SLC30A2: variants seen among roughly 807,000 people sequenced by gnomAD.
SLC30A2 encodes solute carrier family 30 member 2.
SLC30A2 carries 19 observed loss-of-function variants against 39.6 expected under a neutral mutation model. That is an observed-to-expected ratio of 0.48 (90% CI 0.34 to 0.70). SLC30A2 has a LOEUF of 0.70. Among genes scored for constraint, SLC30A2 ranks in the 30% least tolerant of loss-of-function variants. The pLI, the probability that SLC30A2 is intolerant of heterozygous loss-of-function variation, is 0.01. For synonymous variants in SLC30A2, 195 were observed against 194.8 expected (o/e 1.00, Z -0.01); for missense variants, 387 against 479.4 (o/e 0.81, Z 1.80).
Position 26,042,555 on chromosome 1 carries a change from G to A in SLC30A2, c.726C>T (p.Tyr242=), listed in dbSNP as rs1557562489. 6.2e-7 allele frequency: 1 copy of A among 1,613,632 alleles called. No homozygotes were observed. The highest frequency in any genetic ancestry group is 8.5e-7 in the Non-Finnish European group (1 of 1,179,560). The stretch of plus-strand genomic sequence containing the variant: ...CCTGTGTCCCAGCTCTGACCTTGAA[G>A]TATAAAATATAGGCTGCCACTAGGA... ...MGVLVAAYIL[Y]FKPEYKYVDP... Residue 242 remains tyrosine, a synonymous_variant, in exon 5 of 8, where the codon TAC becomes TAT. Coordinates refer to ENST00000374276, the MANE Select transcript of SLC30A2 (RefSeq NM_001004434.3).
At chr1:26,042,768 A>C (rs1266501290) in intron 4 of SLC30A2, 60 bp from the exon 5 acceptor site, 1 of 1,498,640 alleles carries the variant, frequency 6.7e-7, no homozygotes, top group Non-Finnish European at 9.2e-7. Context: ...GTCACCTATT[A>C]GGACTAGCCA....
At chr1:26,044,576 C>T in intron 2 of SLC30A2, 132 bp from the exon 3 acceptor site, 1 of 823,764 alleles carries the variant, frequency 1.2e-6, no homozygotes, top group Non-Finnish European at 1.9e-6. Context: ...AGCTGTACCA[C>T]CGTGACAAGT....
intron 6 of SLC30A2, among the ~76,000 whole-genome samples, chr1:26,041,291 A>T (rs965876633): frequency 1.3e-5 from 2 of 152,240 alleles, no homozygotes; most frequent in Non-Finnish European, 1.5e-5. Flanking sequence ...TCCTTCTCTG[A>T]GCCTCAGTCT....
chr1:26,043,667 C>T, intron 3 of SLC30A2, 116 bp from the exon 4 acceptor site: 4 of 1,068,306 alleles, frequency 3.7e-6, no homozygotes, highest in Non-Finnish European at 2.7e-6. Flanking sequence ...GGGCCTGGGT[C>T]CCACTGGGCT....
At chr1:26,043,339 G>T in intron 4 of SLC30A2, 59 bp downstream of exon 4, 1 of 1,535,186 alleles carries the variant, frequency 6.5e-7, no homozygotes, top group Non-Finnish European at 9.0e-7. Flanking sequence ...GCAGACATAG[G>T]TGTGGGTGTG....
chr1:26,044,146 C>A (rs772541327), intron 3 of SLC30A2, 152 bp downstream of exon 3: 27 of 797,476 alleles, frequency 3.4e-5, no homozygotes, highest in Middle Eastern at 2.3e-4. Flanking sequence ...AGGACAGAGG[C>A]CATGGTTGAC....
chr1:26,045,065 C>G lies in SLC30A2; in HGVS notation c.203G>C (p.Gly68Ala). ...TACATACAGCTGGCGCTGGGCCTTC[C>G]CCTTCTTGGGGTCACAGTGACTGTC... The part of the protein sequence containing the change: ...GPDSHCDPKK[G>A]KAQRQLYVAS... The change falls in exon 2 of 8, where the codon GGG (glycine) becomes GCG (alanine). Residue 68 changes from glycine (G) to alanine (A), a missense_variant. Physicochemically the swap from Gly to Ala is moderately conservative, Grantham distance 60. Transcript: ENST00000374276. 2 of 1,614,236 alleles carry G rather than the reference C, an allele frequency of 1.2e-6. No individual in the cohort carries two copies. Among genetic ancestry groups the G allele is most frequent in the East Asian group, 4.5e-5 (2 of 44,880 alleles).
Position 26,046,002 on chromosome 1 carries a change from C to T in SLC30A2, c.-106G>A. The stretch of plus-strand genomic sequence containing the variant: ...GCGCTCACCCACCTGCCCCGAGGGC[C>T]CCGCGAGGTGCGCTCACTCCGGCCC... On this transcript the variant is annotated 5_prime_UTR_variant, in exon 1 of 8. Coordinates refer to ENST00000374276, the MANE Select transcript of SLC30A2 (RefSeq NM_001004434.3). The surrounding 1 kb of genome is among the most constrained non-coding windows in gnomAD (Gnocchi z 4.4). 1 of 1,488,998 alleles carries T rather than the reference C, an allele frequency of 6.7e-7. No individual in the cohort carries two copies. Among genetic ancestry groups the T allele is most frequent in the South Asian group, 1.3e-5 (1 of 75,750 alleles). The allele number at this position is 1,488,998 out of a possible 1,614,324, so 92.2% of individuals were successfully genotyped here. A position where few individuals can be genotyped will look rare whatever the true frequency, so the allele number is the denominator to read the frequency against.
intron 3 of SLC30A2, 36 bp downstream of exon 3, chr1:26,044,262 T>C (rs1303353537): frequency 6.2e-7 from 1 of 1,610,754 alleles, no homozygotes; most frequent in East Asian, 2.2e-5. Flanking sequence ...CCACCCTCTC[T>C]CTCAACCCCA....
intron 6 of SLC30A2, among the ~76,000 whole-genome samples, chr1:26,040,984 C>G (rs1045862673): frequency 2.0e-5 from 3 of 151,532 alleles, no homozygotes; most frequent in African/African-American, 7.3e-5. Flanking sequence ...GTGGTCCCAG[C>G]TACTTGGGAG....
In SLC30A2 at chr1:26,039,879, G is replaced by T. The variant is rs752464790; in HGVS notation, c.871C>A (p.Arg291Ser). ...CCCTCCACCGACAGCAGCAGATCACGAACAGCTGTGAAGTCAACGCCCTTG... is the reference window on the plus strand; with the variant it reads ...CCCTCCACCGACAGCAGCAGATCACTAACAGCTGTGAAGTCAACGCCCTTG... ...TPKGVDFTAV[R>S]DLLLSVEGVE... Residue 291 changes from arginine (R) to serine (S), a missense_variant, in exon 7 of 8, where the codon CGT becomes AGT. Arg to Ser is a moderately radical substitution (Grantham distance 110, BLOSUM62 -1). Coordinates refer to ENST00000374276, the MANE Select transcript of SLC30A2 (RefSeq NM_001004434.3). The surrounding 1 kb of genome is among the most constrained non-coding windows in gnomAD (Gnocchi z 4.3). 6.2e-7 allele frequency: 1 copy of T among 1,613,968 alleles called. No individual in the cohort carries two copies. Among genetic ancestry groups the T allele is most frequent in the Non-Finnish European group, 8.5e-7 (1 of 1,180,038 alleles).
chr1:26,044,676 A>G (rs2050438898), intron 2 of SLC30A2, among the ~76,000 whole-genome samples: 1 of 152,216 alleles, frequency 6.6e-6, no homozygotes, highest in East Asian at 1.9e-4. Flanking sequence ...TCAAGTTCAA[A>G]TAGGGACTGG....
At chr1:26,042,511 C>A (rs772307641) in intron 5 of SLC30A2, 38 bp downstream of exon 5, 38 of 1,587,906 alleles carry the variant, frequency 2.4e-5, no homozygotes, top group Non-Finnish European at 3.3e-5. Flanking sequence ...GGTCTACACT[C>A]CCCTGCCACC....
Position 26,046,055 on chromosome 1 carries a change from G to A in SLC30A2, c.-159C>T, listed in dbSNP as rs2050461114. 3.7e-6 allele frequency: 5 copies of A among 1,335,220 alleles called. No homozygotes were observed. The highest frequency in any genetic ancestry group is 4.8e-6 in the Non-Finnish European group (5 of 1,050,348). The allele number at this position is 1,335,220 out of a possible 1,614,324, so 82.7% of individuals were successfully genotyped here. A position where few individuals can be genotyped will look rare whatever the true frequency, so the allele number is the denominator to read the frequency against. ...CTCCTGCGGCCCCTGAGCTCCCCCG[G>A]CTCCCGCTGCGGCTGCAGCTCCGGC... On this transcript the variant is annotated 5_prime_UTR_variant, in exon 1 of 8. Coordinates refer to ENST00000374276, the MANE Select transcript of SLC30A2 (RefSeq NM_001004434.3). This position sits in a 1 kb window ranked among gnomAD's most constrained non-coding sequence, Gnocchi z 4.4.
chr1:26,038,982 G>C lies in SLC30A2; in HGVS notation c.*178C>G. The stretch of plus-strand genomic sequence containing the variant: ...TTTATACCCGCTGAGTCCCCACCCT[G>C]GCTGTAGTCAGATGGGAGGCTGGGA... On this transcript the variant is annotated 3_prime_UTR_variant, in exon 8 of 8. Coordinates refer to ENST00000374276, the MANE Select transcript of SLC30A2 (RefSeq NM_001004434.3). The C allele has an allele frequency of 9.3e-6, 13 of 1,394,140 alleles. No homozygotes were observed. The highest frequency in any genetic ancestry group is 1.1e-5 in the Non-Finnish European group (12 of 1,072,094). 86.4% of individuals were successfully genotyped at this position (1,394,140 alleles called of 1,614,324 possible).
chr1:26,044,410 A>T lies in SLC30A2; in HGVS notation c.306T>A (p.Thr102=). The T allele has an allele frequency of 6.2e-7, 1 of 1,613,954 alleles. No individual in the cohort carries two copies. The highest frequency in any genetic ancestry group is 8.5e-7 in the Non-Finnish European group (1 of 1,179,950). ...GYLAHSLAVM[T]DAAHLLTDFA... ...AGTCAGTGAGCAGGTGTGCTGCGTC[A>T]GTCATGACAGCCAAGCTGTGTGCCA... is the stretch of plus-strand genomic sequence containing the variant. The change falls in exon 3 of 8, where the codon ACT becomes ACA. Residue 102 remains threonine (T), a synonymous_variant. Transcript: ENST00000374276.
In SLC30A2 at chr1:26,044,661, G is replaced by A. The variant is rs117000591; in HGVS notation, c.272-217C>T. On this transcript the variant is annotated intron_variant, in intron 2 of 7. Coordinates refer to ENST00000374276, the MANE Select transcript of SLC30A2 (RefSeq NM_001004434.3). ...CAATATCTACTTAGAGGGTGAATGT[G>A]CACATCAAGTTCAAATAGGGACTGG... Among the ~76,000 whole-genome samples, 100 of 152,260 alleles carry A rather than the reference G, an allele frequency of 6.6e-4. No homozygotes were observed. The East Asian group carries it at 0.019, about 29-fold the overall frequency.
In SLC30A2 at chr1:26,039,644, C is replaced by G. The variant is rs2050375922; in HGVS notation, c.973+133G>C. 2 of 852,876 alleles carry G rather than the reference C, an allele frequency of 2.3e-6. No individual in the cohort carries two copies. Among genetic ancestry groups the G allele is most frequent in the South Asian group, 3.5e-5 (2 of 57,438 alleles). 52.8% of individuals were successfully genotyped at this position (852,876 alleles called of 1,614,324 possible). ...GCTGATCAGATGGAATAATGCGTAT[C>G]AAGTACTCAGCATGAGGCTGGGCTT... On this transcript the variant is annotated intron_variant, in intron 7 of 7. Transcript: ENST00000374276. This position sits in a 1 kb window ranked among gnomAD's most constrained non-coding sequence, Gnocchi z 4.3.
At chr1:26,043,041 G>C (rs1006520966) in intron 4 of SLC30A2, among the ~76,000 whole-genome samples, 1 of 152,214 alleles carries the variant, frequency 6.6e-6, no homozygotes, top group Non-Finnish European at 1.5e-5. Flanking sequence ...GACACCCATT[G>C]TCTCTAACTG....
Sources: allele counts gnomAD v4.1 joint callset (sites outside exome capture counted in the v4.1 genomes callset), GRCh38; gene constraint gnomAD v4.1.1; non-coding constraint Gnocchi (gnomAD v3.1); transcripts MANE v1.5; gene names NCBI Gene and HGNC (gene_info 2026-07-23, HGNC 2026-07-21).